Variants in BTF3L4 observed in about 807,000 individuals in gnomAD.
BTF3L4 encodes basic transcription factor 3 like 4, also known as transcription factor BTF3 homolog 4.
A neutral mutation model predicts 16.8 loss-of-function variants in BTF3L4; 6 were observed. The observed-to-expected ratio is 0.36, with a 90% CI of 0.20 to 0.71. BTF3L4 has a LOEUF of 0.71. BTF3L4 is among the 30% of genes least tolerant of loss of function. The pLI is 0.58. For synonymous variants in BTF3L4, 39 were observed against 59.8 expected, an observed-to-expected ratio of 0.65 and a Z score of 1.60; for missense variants, 92 against 186.9, an observed-to-expected ratio of 0.49 and a Z score of 2.96.
At position 52,088,189 on chromosome 1, in the gene BTF3L4, T is replaced by C. The variant is rs1643989011; in HGVS notation, c.*1431T>C. ...ACAGCTTAACCTTGCAGCTACCAACTTTTGTGTCAAGCTAGATATCTTTAT... is the reference window on the plus strand; with the variant it reads ...ACAGCTTAACCTTGCAGCTACCAACCTTTGTGTCAAGCTAGATATCTTTAT... On this transcript the variant is annotated 3_prime_UTR_variant, in exon 6 of 6. Coordinates refer to ENST00000313334, the MANE Select transcript of BTF3L4 (RefSeq NM_152265.5). The C allele has an allele frequency of 6.6e-6, 1 of 152,626 alleles. No individual in the cohort carries two copies. The highest frequency in any genetic ancestry group is 6.5e-5 in the Admixed American group (1 of 15,276). The allele number at this position is 152,626 out of a possible 1,614,324, so 9.5% of individuals were successfully genotyped here. A position where few individuals can be genotyped will look rare whatever the true frequency, so the allele number is the denominator to read the frequency against.
At chr1:52,059,081 C>A (rs576527235) in intron 1 of BTF3L4, among the ~76,000 whole-genome samples, 3 of 151,864 alleles carry the variant, frequency 2.0e-5, no homozygotes, top group Non-Finnish European at 2.9e-5. Context: ...TCTGCCCCCC[C>A]CCAACATTTA....
At chr1:52,082,071 A>T (rs1643928740) in intron 3 of BTF3L4, among the ~76,000 whole-genome samples, 1 of 152,218 alleles carries the variant, frequency 6.6e-6, no homozygotes, top group South Asian at 2.1e-4. Context: ...ACCTTTTTAT[A>T]TAGTAAGCAT....
chr1:52,089,019 CA>C lies in BTF3L4; in HGVS notation c.*2264del, dbSNP rs1419001192. ...AGGTGATTCATTTGCCTCGGCCTCC[CA>C]AAGTGCTAGGATTACAGGCGTGAGC... is the stretch of plus-strand genomic sequence containing the variant. On this transcript the variant is annotated 3_prime_UTR_variant, in exon 6 of 6. Transcript: ENST00000313334. 1 of 151,874 alleles carries C rather than the reference CA, an allele frequency of 6.6e-6. No homozygotes were observed. Among genetic ancestry groups the C allele is most frequent in the Middle Eastern group, 3.2e-3 (1 of 316 alleles). 9.4% of individuals were successfully genotyped at this position (151,874 alleles called of 1,614,324 possible).
chr1:52,063,020 C>G (rs1281555519), intron 2 of BTF3L4, among the ~76,000 whole-genome samples: 6 of 152,210 alleles, frequency 3.9e-5, no homozygotes, highest in Non-Finnish European at 8.8e-5. Context: ...CTCATGCCCC[C>G]TACCCCACCT....
intron 4 of BTF3L4, among the ~76,000 whole-genome samples, chr1:52,085,686 C>T (rs530976930): frequency 3.3e-5 from 5 of 151,876 alleles, no homozygotes; most frequent in Non-Finnish European, 7.4e-5. Flanking sequence ...CCCATCTCTA[C>T]TAAAAATACA....
chr1:52,073,760 G>A (rs111552573), intron 3 of BTF3L4, among the ~76,000 whole-genome samples: 2,819 of 149,956 alleles, frequency 0.019, 92 homozygotes, highest in African/African-American at 0.067. Flanking sequence ...AGTACTTTGC[G>A]AGGCCAAGGC....
intron 1 of BTF3L4, among the ~76,000 whole-genome samples, chr1:52,057,638 C>G (rs1686405860): frequency 6.6e-6 from 1 of 152,208 alleles, no homozygotes; most frequent in Non-Finnish European, 1.5e-5. Flanking sequence ...GAGGTCTACT[C>G]CAGATTCTGA....
chr1:52,079,394 A>AT, intron 3 of BTF3L4, among the ~76,000 whole-genome samples: 1 of 151,496 alleles, frequency 6.6e-6, no homozygotes, highest in Admixed American at 6.6e-5. Context: ...AAAAAAAAAA[A>AT]AAAGAAAGAA....
At chr1:52,062,485 C>T (rs1034963074) in intron 2 of BTF3L4, among the ~76,000 whole-genome samples, 1 of 152,150 alleles carries the variant, frequency 6.6e-6, no homozygotes, top group South Asian at 2.1e-4. Context: ...CAGGTGTGAG[C>T]CACCGCGCTC....
intron 2 of BTF3L4, among the ~76,000 whole-genome samples, chr1:52,063,093 G>A (rs575635763): frequency 1.3e-5 from 2 of 152,224 alleles, no homozygotes; most frequent in East Asian, 3.9e-4. Context: ...CCTGGGGGTT[G>A]GGGACCTCTA....
At chr1:52,062,029 C>T (rs374914030) in intron 2 of BTF3L4, among the ~76,000 whole-genome samples, 24 of 150,626 alleles carry the variant, frequency 1.6e-4, no homozygotes, top group African/African-American at 5.6e-4. Context: ...CTCCGCCTCC[C>T]AGGTTCATGT....
chr1:52,073,329 G>T lies in BTF3L4; in HGVS notation c.168+8391G>T, dbSNP rs535330178. ...TATATCTATATAGATAATAGATATT[G>T]CCACTGTAGGAAATCAGGAATATAG... On this transcript the variant is annotated intron_variant, in intron 3 of 5. Coordinates refer to ENST00000313334, the MANE Select transcript of BTF3L4 (RefSeq NM_152265.5). 2.6e-4 allele frequency among the ~76,000 whole-genome samples: 39 copies of T among 152,014 alleles called. 2 individuals carry two copies. The South Asian group carries it at 6.4e-3, about 25-fold the overall frequency.
At chr1:52,060,244 A>G (rs149452917) in intron 2 of BTF3L4, among the ~76,000 whole-genome samples, 1 of 152,332 alleles carries the variant, frequency 6.6e-6, no homozygotes, top group Non-Finnish European at 1.5e-5. Context: ...AATATTTATA[A>G]AACACCTAAT....
intron 3 of BTF3L4, among the ~76,000 whole-genome samples, chr1:52,074,103 T>A (rs1686868930): frequency 6.6e-6 from 1 of 152,092 alleles, no homozygotes; most frequent in South Asian, 2.1e-4. Flanking sequence ...AGTTCTAGGC[T>A]GCAGTGAGCT....
At position 52,086,106 on chromosome 1, in the gene BTF3L4, T is replaced by C. The variant is rs1211133999; in HGVS notation, c.371-6T>C. ...AATGACTAATATTAAAATAAACTTT[T>C]TGTAGTCTTGGACAGTAAAGCACCA... On this transcript the variant is annotated splice_polypyrimidine_tract_variant and splice_region_variant and intron_variant, in intron 4 of 5. Coordinates refer to ENST00000313334, the MANE Select transcript of BTF3L4 (RefSeq NM_152265.5). The C allele has an allele frequency of 1.9e-6, 3 of 1,587,498 alleles. No individual in the cohort carries two copies. Among genetic ancestry groups the C allele is most frequent in the East Asian group, 2.3e-5 (1 of 44,122 alleles).
chr1:52,056,301 G>A lies in BTF3L4; in HGVS notation c.-92G>A. On this transcript the variant is annotated 5_prime_UTR_variant, in exon 1 of 6. Coordinates refer to ENST00000313334, the MANE Select transcript of BTF3L4 (RefSeq NM_152265.5). Reference sequence around the variant, plus strand: ...TGCTCCCGCCGCCGCCGCCGCCGCCGTCGTCTTTCTCTGTCTCGGCTGAGG... The same window carrying A: ...TGCTCCCGCCGCCGCCGCCGCCGCCATCGTCTTTCTCTGTCTCGGCTGAGG... 1 of 156,818 alleles carries A rather than the reference G, an allele frequency of 6.4e-6. No individual in the cohort carries two copies. Among genetic ancestry groups the A allele is most frequent in the Non-Finnish European group, 1.4e-5 (1 of 70,818 alleles). The allele number at this position is 156,818 out of a possible 1,614,324, so 9.7% of individuals were successfully genotyped here. A position where few individuals can be genotyped will look rare whatever the true frequency, so the allele number is the denominator to read the frequency against.
At chr1:52,083,208 C>T in intron 3 of BTF3L4, 132 bp from the exon 4 acceptor site, 2 of 695,116 alleles carry the variant, frequency 2.9e-6, no homozygotes, top group South Asian at 3.8e-5. Flanking sequence ...ATGTCCGTTG[C>T]TTGGCCAGTT....
rs1174356659 is a variant in BTF3L4 at position 52,067,736 on chromosome 1, T to C, written c.168+2798T>C. Among the ~76,000 whole-genome samples the C allele has an allele frequency of 4.6e-5, 7 of 152,334 alleles. No homozygotes were observed. The South Asian group carries it at 8.3e-4, about 18-fold the overall frequency. On this transcript the variant is annotated intron_variant, in intron 3 of 5. Coordinates refer to ENST00000313334, the MANE Select transcript of BTF3L4 (RefSeq NM_152265.5). ...TTGTAAATGTTTATGCAATTTTATA[T>C]CTTTGCCTACCTTTCTACCCTTCAA... is the stretch of plus-strand genomic sequence containing the variant.
chr1:52,089,953 C>T lies in BTF3L4; in HGVS notation c.*3195C>T, dbSNP rs566461118. 16 of 152,262 alleles carry T rather than the reference C, an allele frequency of 1.1e-4. No homozygotes were observed. The highest frequency in any genetic ancestry group is 3.6e-4 in the African/African-American group (15 of 41,550). The allele number at this position is 152,262 out of a possible 1,614,324, so 9.4% of individuals were successfully genotyped here. A position where few individuals can be genotyped will look rare whatever the true frequency, so the allele number is the denominator to read the frequency against. Reference sequence around the variant, plus strand: ...TTTGATTTGTTTCTTTGTTTTAATTCAGTGTTTAACCCTAGGTATGCTACA... The same window carrying T: ...TTTGATTTGTTTCTTTGTTTTAATTTAGTGTTTAACCCTAGGTATGCTACA... On this transcript the variant is annotated 3_prime_UTR_variant, in exon 6 of 6. Coordinates refer to ENST00000313334, the MANE Select transcript of BTF3L4 (RefSeq NM_152265.5).
Sources: allele counts gnomAD v4.1 joint callset (sites outside exome capture counted in the v4.1 genomes callset), GRCh38; gene constraint gnomAD v4.1.1; transcripts MANE v1.5; gene names NCBI Gene and HGNC (gene_info 2026-07-23, HGNC 2026-07-21).